Variants in MINDY2 observed in about 807,000 individuals in gnomAD.
MINDY2 encodes MINDY lysine 48 deubiquitinase 2.
MINDY2 carries 52 observed loss-of-function variants against 68.2 expected under a neutral mutation model. The observed-to-expected ratio is 0.76, with a 90% CI of 0.61 to 0.96. The LOEUF is 0.96. Among genes scored for constraint, MINDY2 ranks in the 40% least tolerant of loss-of-function variants. MINDY2 has a pLI of 0.00. For synonymous variants in MINDY2, 372 were observed against 303.0 expected (o/e 1.23, Z -2.36); for missense variants, 881 against 773.4 (o/e 1.14, Z -1.65).
At chr15:58,847,958 G>A (rs926471034) in intron 7 of MINDY2, among the ~76,000 whole-genome samples, 1 of 152,154 alleles carries the variant, frequency 6.6e-6, no homozygotes, top group Non-Finnish European at 1.5e-5. Flanking sequence ...AGCATATAGT[G>A]TATAAAGAAT....
chr15:58,850,002 G>A lies in MINDY2; in HGVS notation c.1543-1769G>A, dbSNP rs557941108. On this transcript the variant is annotated intron_variant, in intron 7 of 8. Coordinates refer to ENST00000559228, the MANE Select transcript of MINDY2 (RefSeq NM_001040450.3). Reference sequence around the variant, plus strand: ...TGTGCCCGCCTTGGCCCCCTAAAGTGCTGGGATTACAGGCGTGAGCCACTG... The same window carrying A: ...TGTGCCCGCCTTGGCCCCCTAAAGTACTGGGATTACAGGCGTGAGCCACTG... Among the ~76,000 whole-genome samples the A allele has an allele frequency of 3.5e-4, 54 of 152,226 alleles. 1 individual carries two copies. Among genetic ancestry groups the A allele is most frequent in the African/African-American group, 1.3e-3 (52 of 41,554 alleles).
At chr15:58,803,221 C>G (rs1335439467) in intron 3 of MINDY2, among the ~76,000 whole-genome samples, 1 of 152,022 alleles carries the variant, frequency 6.6e-6, no homozygotes, top group Non-Finnish European at 1.5e-5. Context: ...AATCCCAGCA[C>G]TTTGGGAGGC....
intron 8 of MINDY2, among the ~76,000 whole-genome samples, chr15:58,853,962 A>T (rs2032956525): frequency 6.6e-6 from 1 of 152,128 alleles, no homozygotes; most frequent in African/African-American, 2.4e-5. Context: ...GACTTTAGGC[A>T]ATATAATCTT....
rs1448286773 is a variant in MINDY2, at chr15:58,855,413, G to A, written c.*803G>A. 6.6e-6 allele frequency: 1 copy of A among 152,622 alleles called. No homozygotes were observed. The highest frequency in any genetic ancestry group is 1.5e-5 in the Non-Finnish European group (1 of 68,046). The allele number at this position is 152,622 out of a possible 1,614,324, so 9.5% of individuals were successfully genotyped here. A position where few individuals can be genotyped will look rare whatever the true frequency, so the allele number is the denominator to read the frequency against. Reference sequence around the variant, plus strand: ...TATTGACAATGTGATTGAGTGTATGGAGGAAAGCACAGTGGATGCTAGGCT... The same window carrying A: ...TATTGACAATGTGATTGAGTGTATGAAGGAAAGCACAGTGGATGCTAGGCT... On this transcript the variant is annotated 3_prime_UTR_variant, in exon 9 of 9. Coordinates refer to ENST00000559228, the MANE Select transcript of MINDY2 (RefSeq NM_001040450.3).
At chr15:58,778,793 AT>A (rs1287644434) in intron 1 of MINDY2, among the ~76,000 whole-genome samples, 2 of 138,248 alleles carry the variant, frequency 1.4e-5, no homozygotes, top group Admixed American at 7.4e-5. Flanking sequence ...TGCCCACCTA[AT>A]TTTTTTTCTT....
intron 5 of MINDY2, among the ~76,000 whole-genome samples, chr15:58,829,414 A>G (rs12905507): frequency 0.13 from 20,310 of 152,228 alleles, 1,829 homozygotes; most frequent in East Asian, 0.4. Flanking sequence ...TCCCTTTGCC[A>G]TAACTAGTTT....
At chr15:58,845,488 A>G (rs868023712) in intron 6 of MINDY2, among the ~76,000 whole-genome samples, 1 of 152,202 alleles carries the variant, frequency 6.6e-6, no homozygotes, top group Non-Finnish European at 1.5e-5. Context: ...GCAAATCAAA[A>G]CTATGAGATA....
chr15:58,812,225 CAG>C (rs1188296471), intron 4 of MINDY2, among the ~76,000 whole-genome samples: 2 of 152,008 alleles, frequency 1.3e-5, no homozygotes, highest in African/African-American at 4.8e-5. Flanking sequence ...ATCATGAAGT[CAG>C]GAGTTCGAGA....
chr15:58,852,223 G>A (rs1237706440), intron 8 of MINDY2, among the ~76,000 whole-genome samples: 1 of 145,358 alleles, frequency 6.9e-6, no homozygotes, highest in Non-Finnish European at 1.5e-5. Context: ...GGGAGGCAGA[G>A]GTTGCAGCGA....
At chr15:58,852,953 T>G (rs1595788600) in intron 8 of MINDY2, among the ~76,000 whole-genome samples, 1 of 47,806 alleles carries the variant, frequency 2.1e-5, no homozygotes, top group Non-Finnish European at 4.8e-5. Context: ...TTTTTTTTTT[T>G]TTTTTTTTTT....
intron 3 of MINDY2, 67 bp from the exon 4 acceptor site, chr15:58,810,163 C>T: frequency 1.5e-6 from 2 of 1,364,838 alleles, no homozygotes; most frequent in Non-Finnish European, 2.0e-6. Context: ...TGTGCTTGTA[C>T]TTGAATATCT....
At position 58,772,196 on chromosome 15, in the gene MINDY2, C is replaced by A. The variant is rs748361834; in HGVS notation, c.801C>A (p.Pro267=). 9.3e-6 allele frequency: 15 copies of A among 1,613,258 alleles called. No homozygotes were observed. The African/African-American group carries it at 1.2e-4, about 13-fold the overall frequency. Residue 267 remains proline (P), a synonymous_variant, in exon 1 of 9, where the codon CCC becomes CCA. Transcript: ENST00000559228. ...IITQNENGPC[P]LLAILNVLLL... Reference sequence around the variant, plus strand: ...CCCAGAATGAGAACGGACCCTGCCCCTTGCTGGCCATCCTCAATGTTTTGC... The same window carrying A: ...CCCAGAATGAGAACGGACCCTGCCCATTGCTGGCCATCCTCAATGTTTTGC...
chr15:58,791,477 C>T (rs867081106), intron 2 of MINDY2, among the ~76,000 whole-genome samples: 23 of 150,684 alleles, frequency 1.5e-4, no homozygotes, highest in South Asian at 1.1e-3. Flanking sequence ...ATTAGCCAGG[C>T]GTGATGGTGT....
Position 58,830,794 on chromosome 15 carries a change from C to T in MINDY2, c.1226-980C>T, listed in dbSNP as rs118015368. 1.7e-3 allele frequency among the ~76,000 whole-genome samples: 264 copies of T among 152,044 alleles called. 2 individuals carry two copies. The Middle Eastern group carries it at 0.027, about 16-fold the overall frequency. On this transcript the variant is annotated intron_variant, in intron 5 of 8. Coordinates refer to ENST00000559228, the MANE Select transcript of MINDY2 (RefSeq NM_001040450.3). ...GAAAGGGACACTTGTTTACAGTATG[C>T]GAGAGAGCTGAAGCAAGAAGGCAGA...
intron 8 of MINDY2, among the ~76,000 whole-genome samples, chr15:58,853,273 A>C (rs1460630374): frequency 6.6e-6 from 1 of 151,890 alleles, no homozygotes; most frequent in African/African-American, 2.4e-5. Flanking sequence ...ATTTTGATTC[A>C]GATACATAAG....
At position 58,854,597 on chromosome 15, in the gene MINDY2, G is replaced by A; in HGVS notation, c.1853G>A (p.Cys618Tyr). ...DKEKEKEKNS[C>Y]VIL ...GAAAAAGAAAAGGAAAAAAATAGCT[G>A]TGTTATTTTGTAACAAGTGTTGGCT... is the stretch of plus-strand genomic sequence containing the variant. Residue 618 changes from cysteine to tyrosine, a missense_variant, in exon 9 of 9, where the codon TGT becomes TAT. Coordinates refer to ENST00000559228, the MANE Select transcript of MINDY2 (RefSeq NM_001040450.3). The A allele has an allele frequency of 1.2e-6, 2 of 1,608,476 alleles. No homozygotes were observed. The highest frequency in any genetic ancestry group is 1.7e-6 in the Non-Finnish European group (2 of 1,179,548).
Position 58,857,869 on chromosome 15 carries a change from C to CT in MINDY2, c.*3260dup, listed in dbSNP as rs1259134361. On this transcript the variant is annotated 3_prime_UTR_variant, in exon 9 of 9. Transcript: ENST00000559228. ...TGCACTTTCCTTTTACTTTCAGAGT[C>CT]TAAGTATATTCCTTAAGGTTAGTAA... The CT allele has an allele frequency of 6.6e-6, 1 of 152,154 alleles. No homozygotes were observed. Among genetic ancestry groups the CT allele is most frequent in the South Asian group, 2.1e-4 (1 of 4,834 alleles). The allele number at this position is 152,154 out of a possible 1,614,324, so 9.4% of individuals were successfully genotyped here.
intron 6 of MINDY2, among the ~76,000 whole-genome samples, chr15:58,832,191 A>G (rs2031761018): frequency 6.6e-6 from 1 of 152,046 alleles, no homozygotes; most frequent in East Asian, 1.9e-4. Flanking sequence ...CTGAGAGAAA[A>G]AAAAGATAAA....
intron 7 of MINDY2, among the ~76,000 whole-genome samples, chr15:58,848,205 G>A (rs1365881754): frequency 6.6e-6 from 1 of 151,828 alleles, no homozygotes; most frequent in Non-Finnish European, 1.5e-5. Flanking sequence ...GCAAAAATAT[G>A]GTCATGTTAA....
Sources: gnomAD v4.1 joint callset for allele counts (sites outside exome capture counted in the v4.1 genomes callset) on GRCh38, gnomAD v4.1.1 for gene constraint, MANE v1.5 for transcripts, NCBI Gene and HGNC (gene_info 2026-07-23, HGNC 2026-07-21) for gene names.